Variants in RNF216 observed in about 807,000 individuals in gnomAD.
RNF216 encodes E3 ubiquitin-protein ligase RNF216.
A neutral mutation model predicts 110.8 loss-of-function variants in RNF216; 72 were observed. The observed-to-expected ratio is 0.65, with a 90% CI of 0.54 to 0.79. The LOEUF (loss-of-function observed/expected upper bound fraction) is 0.79. Ranked by LOEUF, RNF216 falls within the 30% of genes least tolerant of loss-of-function variation. RNF216 has a pLI of 0.00. For synonymous variants in RNF216, 495 were observed against 407.5 expected, an observed-to-expected ratio of 1.21 and a Z score of -2.59; for missense variants, 1,342 against 1,141.2, an observed-to-expected ratio of 1.18 and a Z score of -2.54.
chr7:5,767,384 G>A (rs1796260325), intron 1 of RNF216, among the ~76,000 whole-genome samples: 1 of 152,166 alleles, frequency 6.6e-6, no homozygotes, highest in Non-Finnish European at 1.5e-5. Flanking sequence ...GAAGGTCAGA[G>A]TTTGGGGCTG....
chr7:5,660,580 G>A (rs1213907291), intron 13 of RNF216, among the ~76,000 whole-genome samples: 1 of 151,580 alleles, frequency 6.6e-6, no homozygotes, highest in Non-Finnish European at 1.5e-5. Flanking sequence ...ATGGAGCCCT[G>A]TTTTAATGAT....
At chr7:5,655,963 C>G (rs973571093) in intron 13 of RNF216, among the ~76,000 whole-genome samples, 1 of 151,968 alleles carries the variant, frequency 6.6e-6, no homozygotes, top group East Asian at 1.9e-4. Flanking sequence ...CTCAAGCGAT[C>G]TCCCACCTCA....
intron 15 of RNF216, 31 bp downstream of exon 15, chr7:5,641,123 T>A: frequency 6.7e-7 from 1 of 1,489,584 alleles, no homozygotes; most frequent in South Asian, 1.2e-5. Flanking sequence ...TTTCTCCCTA[T>A]AAAGCAATAG....
chr7:5,704,302 T>C (rs1792149446), intron 13 of RNF216, among the ~76,000 whole-genome samples: 1 of 152,192 alleles, frequency 6.6e-6, no homozygotes, highest in Non-Finnish European at 1.5e-5. Context: ...GAATTTATAT[T>C]ACTGGCAAAG....
At chr7:5,671,235 T>C (rs1260214912) in intron 13 of RNF216, among the ~76,000 whole-genome samples, 1 of 152,216 alleles carries the variant, frequency 6.6e-6, no homozygotes, top group Non-Finnish European at 1.5e-5. Context: ...CAGCTGCTCA[T>C]GCCTGAATAG....
intron 7 of RNF216, among the ~76,000 whole-genome samples, chr7:5,726,641 T>C (rs557826712): frequency 6.6e-6 from 1 of 152,088 alleles, no homozygotes. Flanking sequence ...GTGGATCACC[T>C]GAGGTCAGGT....
chr7:5,665,644 T>C (rs1020210733), intron 13 of RNF216, among the ~76,000 whole-genome samples: 1 of 152,094 alleles, frequency 6.6e-6, no homozygotes, highest in African/African-American at 2.4e-5. Flanking sequence ...GGCTTTTTAC[T>C]ATACTATGGG....
Position 5,652,644 on chromosome 7 carries a change from G to A in RNF216, c.2062-134C>T, listed in dbSNP as rs1417899823. ...CAGAGGATGCCTCTCCTTTTCAGGG[G>A]GGATATTTCTAAAGACATCTTTTAA... On this transcript the variant is annotated intron_variant, in intron 13 of 16. Coordinates refer to ENST00000389902, the MANE Select transcript of RNF216 (RefSeq NM_207111.4). 4 of 645,944 alleles carry A rather than the reference G, an allele frequency of 6.2e-6. No individual in the cohort carries two copies. In the East Asian group the frequency reaches 1.1e-4, roughly 18 times the overall value. 40.0% of individuals were successfully genotyped at this position (645,944 alleles called of 1,614,324 possible). A position where few individuals can be genotyped will look rare whatever the true frequency, so the allele number is the denominator to read the frequency against.
At chr7:5,676,548 G>A (rs981447608) in intron 13 of RNF216, among the ~76,000 whole-genome samples, 111 of 152,034 alleles carry the variant, frequency 7.3e-4, no homozygotes, top group African/African-American at 2.6e-3. Context: ...TCTCCCGTCC[G>A]TCCTGTCTGC....
chr7:5,720,779 C>T (rs897572743), intron 9 of RNF216, among the ~76,000 whole-genome samples: 3 of 152,016 alleles, frequency 2.0e-5, no homozygotes, highest in African/African-American at 4.8e-5. Flanking sequence ...GAAATGGAAC[C>T]GAGGCTGAGG....
chr7:5,663,900 AAAAAC>A (rs916032212), intron 13 of RNF216, among the ~76,000 whole-genome samples: 24 of 152,114 alleles, frequency 1.6e-4, no homozygotes, highest in Non-Finnish European at 8.8e-5. Flanking sequence ...TCCGTCTCAA[AAAAAC>A]AAAACAAAAC....
chr7:5,692,044 T>C (rs1191772495), intron 13 of RNF216, among the ~76,000 whole-genome samples: 1 of 152,218 alleles, frequency 6.6e-6, no homozygotes, highest in African/African-American at 2.4e-5. Context: ...TTTCAAAAGG[T>C]ATAATTTCCG....
In RNF216 at chr7:5,752,342, C is replaced by T. The variant is rs561226330; in HGVS notation, c.201+504G>A. On this transcript the variant is annotated intron_variant, in intron 3 of 16. Transcript: ENST00000389902. Reference sequence around the variant, plus strand: ...CTGAGGAATATTAAAGTAGCCTTGACTATATGAAAAGACAAAATTTGTTCT... The same window carrying T: ...CTGAGGAATATTAAAGTAGCCTTGATTATATGAAAAGACAAAATTTGTTCT... 5.3e-5 allele frequency among the ~76,000 whole-genome samples: 8 copies of T among 152,078 alleles called. No individual in the cohort carries two copies. The East Asian group carries it at 1.3e-3, about 26-fold the overall frequency.
rs115094613 is a variant in RNF216 at position 5,673,619 on chromosome 7, T to C, written c.2062-21109A>G. On this transcript the variant is annotated intron_variant, in intron 13 of 16. Coordinates refer to ENST00000389902, the MANE Select transcript of RNF216 (RefSeq NM_207111.4). ...AGAATGAGGGTCTGCAAGGAATTTC[T>C]CCATTTGGCTAGATCTGGAGAATAA... Among the ~76,000 whole-genome samples, 797 of 152,312 alleles carry C rather than the reference T, an allele frequency of 5.2e-3. 9 individuals are homozygous for C. Among genetic ancestry groups the C allele is most frequent in the African/African-American group, 0.015 (627 of 41,564 alleles).
At chr7:5,674,371 C>G (rs1231192369) in intron 13 of RNF216, among the ~76,000 whole-genome samples, 2 of 151,742 alleles carry the variant, frequency 1.3e-5, no homozygotes, top group African/African-American at 2.4e-5. Flanking sequence ...ATTGGCCATG[C>G]TAGTCTCAAA....
At chr7:5,676,462 T>C (rs77374040) in intron 13 of RNF216, among the ~76,000 whole-genome samples, 5,773 of 152,250 alleles carry the variant, frequency 0.038, 152 homozygotes, top group South Asian at 0.069. Context: ...CTGTGAGAAC[T>C]GTCGCTGGGG....
At chr7:5,723,655 A>AAAT (rs1793581267) in intron 8 of RNF216, among the ~76,000 whole-genome samples, 3 of 151,994 alleles carry the variant, frequency 2.0e-5, no homozygotes, top group African/African-American at 7.3e-5. Flanking sequence ...TCAAAAAAAA[A>AAAT]AAATAAATAA....
intron 5 of RNF216, among the ~76,000 whole-genome samples, chr7:5,739,055 T>G (rs568840958): frequency 3.3e-5 from 5 of 152,220 alleles, no homozygotes; most frequent in Non-Finnish European, 7.4e-5. Flanking sequence ...GCCACTGGCT[T>G]GGGAAGGGGA....
intron 5 of RNF216, among the ~76,000 whole-genome samples, chr7:5,736,750 G>A (rs1442307967): frequency 6.6e-6 from 1 of 151,278 alleles, no homozygotes; most frequent in African/African-American, 2.4e-5. Flanking sequence ...TGGGATGTGA[G>A]GAGCGCCTCT....
Sources: gnomAD v4.1 joint callset for allele counts (sites outside exome capture counted in the v4.1 genomes callset) on GRCh38, gnomAD v4.1.1 for gene constraint, MANE v1.5 for transcripts, NCBI Gene and HGNC (gene_info 2026-07-23, HGNC 2026-07-21) for gene names.